The following PTPRC variants were observed in gnomAD, a reference collection of about 807,000 sequenced individuals.
The protein encoded by PTPRC is receptor-type tyrosine-protein phosphatase C.
In PTPRC, 44 loss-of-function variants were observed where a neutral mutation model predicts 155.9. That is an observed-to-expected ratio of 0.28 (90% CI 0.22 to 0.36). The LOEUF is 0.36. Ranked by LOEUF, PTPRC falls within the 10% of genes least tolerant of loss-of-function variation. PTPRC has a pLI of 1.00. For synonymous variants in PTPRC, 525 were observed against 533.1 expected (o/e 0.98, Z 0.21); for missense variants, 1,401 against 1,564.6 (o/e 0.90, Z 1.76).
In PTPRC at chr1:198,699,898, G is replaced by A. The variant is rs377711817; in HGVS notation, c.439+194G>A. The A allele has an allele frequency of 1.6e-5, 11 of 698,176 alleles. No homozygotes were observed. In the East Asian group the frequency reaches 2.4e-4, roughly 15 times the overall value. 43.2% of individuals were successfully genotyped at this position (698,176 alleles called of 1,614,324 possible). Reference sequence around the variant, plus strand: ...CTTTTAACAGAGATGAAATAATAGTGAGAATTGTGAGACTACAGCAAAAAT... The same window carrying A: ...CTTTTAACAGAGATGAAATAATAGTAAGAATTGTGAGACTACAGCAAAAAT... On this transcript the variant is annotated intron_variant, in intron 5 of 32. Coordinates refer to ENST00000442510, the MANE Select transcript of PTPRC (RefSeq NM_002838.5).
At chr1:198,715,682 G>A (rs1319058304) in intron 12 of PTPRC, among the ~76,000 whole-genome samples, 2 of 151,654 alleles carry the variant, frequency 1.3e-5, no homozygotes, top group Non-Finnish European at 2.9e-5. Context: ...TCTCTCTGTG[G>A]CTCAGTTTTG....
At chr1:198,665,588 T>A (rs1252954857) in intron 2 of PTPRC, among the ~76,000 whole-genome samples, 1 of 152,134 alleles carries the variant, frequency 6.6e-6, no homozygotes, top group African/African-American at 2.4e-5. Context: ...TTGAGGTAAC[T>A]GGGGTAACTA....
Position 198,731,562 on chromosome 1 carries a change from T to A in PTPRC, c.1865-55T>A, listed in dbSNP as rs1558028044. The A allele has an allele frequency of 1.8e-5, 23 of 1,308,476 alleles. No homozygotes were observed. The South Asian group carries it at 2.6e-4, about 15-fold the overall frequency. 81.1% of individuals were successfully genotyped at this position (1,308,476 alleles called of 1,614,324 possible). A position where few individuals can be genotyped will look rare whatever the true frequency, so the allele number is the denominator to read the frequency against. The stretch of plus-strand genomic sequence containing the variant: ...CACGGTGTAAATTTAATGAAATGTG[T>A]ATGCCCACCTGAAAGACACATGTAA... On this transcript the variant is annotated intron_variant, in intron 17 of 32. Coordinates refer to ENST00000442510, the MANE Select transcript of PTPRC (RefSeq NM_002838.5).
Position 198,756,694 on chromosome 1 carries a change from A to ATAGT in PTPRC, c.*515_*518dup, listed in dbSNP as rs1553246667. 3 of 153,868 alleles carry ATAGT rather than the reference A, an allele frequency of 1.9e-5. No homozygotes were observed. In the Admixed American group the frequency reaches 2.0e-4, roughly 10 times the overall value. The allele number at this position is 153,868 out of a possible 1,614,324, so 9.5% of individuals were successfully genotyped here. ...TTCTACTCATATATATCTATCTTAT[A>ATAGT]TAGTTTACTATTTTACTTCTAGAGA... On this transcript the variant is annotated 3_prime_UTR_variant, in exon 33 of 33. Coordinates refer to ENST00000442510, the MANE Select transcript of PTPRC (RefSeq NM_002838.5).
intron 2 of PTPRC, among the ~76,000 whole-genome samples, chr1:198,681,209 ATAT>A (rs1341976284): frequency 9.2e-5 from 14 of 152,224 alleles, no homozygotes; most frequent in African/African-American, 3.4e-4. Context: ...GAATGTTAAT[ATAT>A]TATTTTAATA....
intron 4 of PTPRC, among the ~76,000 whole-genome samples, chr1:198,697,927 C>T (rs1393548044): frequency 2.0e-5 from 3 of 152,108 alleles, no homozygotes; most frequent in African/African-American, 7.2e-5. Flanking sequence ...ATTTAATCTT[C>T]CATTTGTTTC....
intron 32 of PTPRC, 142 bp downstream of exon 32, chr1:198,754,546 A>G: frequency 1.0e-6 from 1 of 980,872 alleles, no homozygotes. Context: ...TTTCTTTCCT[A>G]TTCTTTTAGC....
At chr1:198,742,540 C>G (rs1166260734) in intron 25 of PTPRC, among the ~76,000 whole-genome samples, 173 bp downstream of exon 25, 1 of 151,786 alleles carries the variant, frequency 6.6e-6, no homozygotes, top group East Asian at 1.9e-4. Flanking sequence ...AAGCATTTTT[C>G]ATTAGTGCCT....
chr1:198,668,657 A>G (rs183448191), intron 2 of PTPRC, among the ~76,000 whole-genome samples: 1 of 152,228 alleles, frequency 6.6e-6, no homozygotes, highest in Non-Finnish European at 1.5e-5. Context: ...CTAATTACAT[A>G]GTTTATAGAA....
At chr1:198,704,440 T>A (rs754706496) in intron 7 of PTPRC, 32 bp from the exon 8 acceptor site, 1 of 1,613,730 alleles carries the variant, frequency 6.2e-7, no homozygotes, top group South Asian at 1.1e-5. Context: ...AAGCAAAATT[T>A]TAATAATTTA....
Position 198,716,688 on chromosome 1 carries a change from A to T in PTPRC, c.1298A>T (p.Asp433Val), listed in dbSNP as rs536124035. ...TLCYIKETEK[D>V]CLNLDKNLIK... ...TTTTCACATTTTTCCTCAGAAAAAG[A>T]TTGCCTCAATCTGGATAAAAACCTG... The change falls in exon 13 of 33, where the codon GAT becomes GTT. Residue 433 changes from aspartate to valine, a missense_variant. Around this residue, in one of 3 missense-constraint regions of PTPRC, gnomAD observed 867 missense variants for 970.4 expected, o/e 0.89. Coordinates refer to ENST00000442510, the MANE Select transcript of PTPRC (RefSeq NM_002838.5). 11 of 1,611,610 alleles carry T rather than the reference A, an allele frequency of 6.8e-6. No homozygotes were observed. The South Asian group carries it at 1.2e-4, about 18-fold the overall frequency.
At chr1:198,724,952 C>T (rs1406594282) in intron 15 of PTPRC, among the ~76,000 whole-genome samples, 1 of 152,106 alleles carries the variant, frequency 6.6e-6, no homozygotes, top group Non-Finnish European at 1.5e-5. Context: ...CAGGCAGGCA[C>T]CACCACACCT....
intron 12 of PTPRC, 102 bp from the exon 13 acceptor site, chr1:198,716,580 G>C (rs1321614249): frequency 1.0e-6 from 1 of 985,036 alleles, no homozygotes; most frequent in Non-Finnish European, 1.6e-6. Flanking sequence ...TCAATAGTTT[G>C]GAGTTCACTT....
chr1:198,649,583 C>T (rs754885869), intron 2 of PTPRC, among the ~76,000 whole-genome samples: 26 of 151,774 alleles, frequency 1.7e-4, no homozygotes, highest in Admixed American at 3.3e-4. Context: ...GCCCGGATTC[C>T]ATTCCAGTTT....
chr1:198,705,495 A>T (rs1176112605), intron 8 of PTPRC, among the ~76,000 whole-genome samples: 20 of 140,040 alleles, frequency 1.4e-4, no homozygotes, highest in African/African-American at 5.4e-4. Flanking sequence ...ATCTCAGCTT[A>T]CTGCAACCTC....
chr1:198,748,039 G>A (rs1232178849), intron 26 of PTPRC, 70 bp from the exon 27 acceptor site: 2 of 1,534,480 alleles, frequency 1.3e-6, no homozygotes, highest in African/African-American at 2.8e-5. Flanking sequence ...TCCTTAGGGA[G>A]CATCTTATGA....
In PTPRC at chr1:198,731,802, T is replaced by C. The variant is rs1019363682; in HGVS notation, c.1974+76T>C. ...CACTTTAAGTGTATTTATATTGCCATTTGCCTTTATAATTTATCCCACTTG... is the reference window on the plus strand; with the variant it reads ...CACTTTAAGTGTATTTATATTGCCACTTGCCTTTATAATTTATCCCACTTG... On this transcript the variant is annotated intron_variant, in intron 18 of 32. Coordinates refer to ENST00000442510, the MANE Select transcript of PTPRC (RefSeq NM_002838.5). The C allele has an allele frequency of 4.3e-6, 5 of 1,166,784 alleles. No homozygotes were observed. The African/African-American group carries it at 6.1e-5, about 14-fold the overall frequency. The allele number at this position is 1,166,784 out of a possible 1,614,324, so 72.3% of individuals were successfully genotyped here.
intron 2 of PTPRC, among the ~76,000 whole-genome samples, chr1:198,654,321 T>A (rs1274530146): frequency 6.6e-6 from 1 of 151,790 alleles, no homozygotes; most frequent in Non-Finnish European, 1.5e-5. Flanking sequence ...AATAAATAAA[T>A]AAATGACAGC....
chr1:198,653,523 A>G (rs780518199), intron 2 of PTPRC, among the ~76,000 whole-genome samples: 4 of 151,888 alleles, frequency 2.6e-5, no homozygotes, highest in Admixed American at 6.6e-5. Context: ...CACTGTCAAC[A>G]TGAACTCCTA....
Sources: allele counts gnomAD v4.1 joint callset (sites outside exome capture counted in the v4.1 genomes callset), GRCh38; gene constraint gnomAD v4.1.1; regional missense constraint gnomAD v4.1.1; transcripts MANE v1.5; gene names NCBI Gene and HGNC (gene_info 2026-07-23, HGNC 2026-07-21).